Variants in BMX observed in about 807,000 individuals in gnomAD.
The protein encoded by BMX is cytoplasmic tyrosine-protein kinase BMX.
In BMX, 31 loss-of-function variants were observed where a neutral mutation model predicts 59.2. The ratio of observed to expected loss-of-function variants is 0.52; its 90% CI spans 0.39 to 0.71. BMX has a LOEUF of 0.71. BMX is among the 30% of genes least tolerant of loss of function. The pLI, the probability that BMX is intolerant of heterozygous loss-of-function variation, is 0.00. For missense variants in BMX, 474 were observed against 491.7 expected (o/e 0.96, Z 0.34); for synonymous variants, 185 against 181.0 (o/e 1.02, Z -0.18).
At chrX:15,522,817 T>C (rs977369358) in intron 7 of BMX, among the ~76,000 whole-genome samples, 2 of 112,250 alleles carry the variant, frequency 1.8e-5, no homozygotes, top group Non-Finnish European at 3.8e-5. Flanking sequence ...CTGATCATTG[T>C]ATTCCCTTCC....
At chrX:15,537,517 T>C (rs982619449) in intron 14 of BMX, among the ~76,000 whole-genome samples, 10 of 111,941 alleles carry the variant, frequency 8.9e-5, no homozygotes, top group African/African-American at 3.2e-4. Flanking sequence ...CATAACAACC[T>C]GAAAGGCCAT....
Position 15,536,391 on chromosome X carries a change from G to A in BMX, c.1186G>A (p.Ala396Thr), listed in dbSNP as rs1171195833. The A allele has an allele frequency of 4.1e-6, 5 of 1,206,394 alleles. No individual in the cohort carries two copies. The East Asian group carries it at 1.5e-4, about 36-fold the overall frequency. ...GCTCCGCCACCCTGTGTCAACAAAG[G>A]CCAACAAGGTCCCCGACTCTGTGTC... Reference protein sequence around the residue: ...TRLRHPVSTKANKVPDSVSLG... With the variant: ...TRLRHPVSTKTNKVPDSVSLG... The change falls in exon 13 of 19, where the codon GCC becomes ACC. Residue 396 changes from alanine to threonine, a missense_variant. Ala to Thr is a moderately conservative substitution (Grantham distance 58). Coordinates refer to ENST00000348343, the MANE Select transcript of BMX (RefSeq NM_203281.3).
chrX:15,540,244 T>C (rs1240177409), intron 14 of BMX, among the ~76,000 whole-genome samples: 1 of 111,735 alleles, frequency 8.9e-6, no homozygotes, highest in African/African-American at 3.3e-5. Flanking sequence ...TGGAATACTA[T>C]GCAGCCATAA....
Position 15,526,090 on chromosome X carries a change from T to C in BMX, c.879T>C (p.Asp293=). ...SSSEEEENLD[D]YDWFAGNISR... ...CTGAAGAAGAGGAAAACCTGGATGATTATGAGTGAGTATTGAAAGTCTTCT... is the reference window on the plus strand; with the variant it reads ...CTGAAGAAGAGGAAAACCTGGATGACTATGAGTGAGTATTGAAAGTCTTCT... Residue 293 remains aspartate (D), a synonymous_variant, in exon 9 of 19, where the codon GAT becomes GAC. Transcript: ENST00000348343. The C allele has an allele frequency of 8.3e-7, 1 of 1,205,725 alleles. No homozygotes were observed. The highest frequency in any genetic ancestry group is 1.1e-6 in the Non-Finnish European group (1 of 891,027).
At position 15,555,501 on chromosome X, in the gene BMX, G is replaced by A. The variant is rs1926391884; in HGVS notation, c.1954-572G>A. On this transcript the variant is annotated intron_variant, in intron 18 of 18. Coordinates refer to ENST00000348343, the MANE Select transcript of BMX (RefSeq NM_203281.3). ...TGGGATTACAGGCGTGAGCCACTGC[G>A]CCTGGCCAGGGATGCTTTTTTATAT... 4.5e-5 allele frequency among the ~76,000 whole-genome samples: 5 copies of A among 111,034 alleles called. No individual in the cohort carries two copies. The South Asian group carries it at 1.5e-3, about 34-fold the overall frequency.
At position 15,522,445 on chromosome X, in the gene BMX, T is replaced by C. The variant is rs1327634458; in HGVS notation, c.610T>C (p.Ser204Pro). The change falls in exon 7 of 19, where the codon TCC (serine) becomes CCC (proline). Residue 204 changes from serine (S) to proline (P), a missense_variant. By Grantham distance (74) the Ser-to-Pro change is moderately conservative (BLOSUM62 -1). Transcript: ENST00000348343. ...CAACGAATCAAAGAAAAACTATGGCTCCCAGCCACCATCTTCAAGTACCAG... is the reference window on the plus strand; with the variant it reads ...CAACGAATCAAAGAAAAACTATGGCCCCCAGCCACCATCTTCAAGTACCAG... Reference protein sequence around the residue: ...YDNESKKNYGSQPPSSSTSLA... With the variant: ...YDNESKKNYGPQPPSSSTSLA... 2.5e-6 allele frequency: 3 copies of C among 1,210,555 alleles called. No homozygotes were observed. The highest frequency in any genetic ancestry group is 1.8e-5 in the South Asian group (1 of 56,901).
chrX:15,502,590 T>G (rs1923606657), intron 1 of BMX, among the ~76,000 whole-genome samples: 1 of 111,970 alleles, frequency 8.9e-6, no homozygotes, highest in South Asian at 3.7e-4. Flanking sequence ...TGCTGAGAAT[T>G]TGACTGTCAA....
chrX:15,554,289 G>A (rs1250109436), intron 18 of BMX, among the ~76,000 whole-genome samples: 2 of 112,161 alleles, frequency 1.8e-5, no homozygotes, highest in Non-Finnish European at 3.8e-5. Flanking sequence ...AGCTTTTGAA[G>A]AATTCTTGCC....
chrX:15,543,016 G>A, intron 15 of BMX, 55 bp from the exon 16 acceptor site: 1 of 1,102,427 alleles, frequency 9.1e-7, no homozygotes, highest in Non-Finnish European at 1.2e-6. Flanking sequence ...GGAGGAAAAT[G>A]TCAGGAGATT....
At chrX:15,552,943 A>G (rs1926264089) in intron 18 of BMX, among the ~76,000 whole-genome samples, 1 of 112,517 alleles carries the variant, frequency 8.9e-6, no homozygotes, top group Non-Finnish European at 1.9e-5. Context: ...AAGTCTTGAT[A>G]GTAAATCTAA....
At chrX:15,553,548 C>T (rs1344237081) in intron 18 of BMX, among the ~76,000 whole-genome samples, 3 of 111,639 alleles carry the variant, frequency 2.7e-5, no homozygotes, top group Non-Finnish European at 5.6e-5. Context: ...TCTAGGGTAG[C>T]GAATCCTGTA....
At chrX:15,551,282 C>A (rs1926185467) in intron 18 of BMX, among the ~76,000 whole-genome samples, 2 of 111,445 alleles carry the variant, frequency 1.8e-5, no homozygotes, top group Non-Finnish European at 3.8e-5. Context: ...TAGTAAAAGG[C>A]AAATTGGTGT....
intron 1 of BMX, chrX:15,507,437 A>G: frequency 1.5e-6 from 1 of 664,723 alleles, no homozygotes; most frequent in Non-Finnish European, 1.8e-6. Flanking sequence ...ATTATCAATA[A>G]AGAAAGATTT....
rs187524138 is a variant in BMX, at chrX:15,517,631, C to A, written c.446-298C>A. On this transcript the variant is annotated intron_variant, in intron 5 of 18. Transcript: ENST00000348343. ...CAAGTATAATTTATTCCCTTGGCTTCTTCTGCTGAGCTACTGGGAAGTCCA... is the reference window on the plus strand; with the variant it reads ...CAAGTATAATTTATTCCCTTGGCTTATTCTGCTGAGCTACTGGGAAGTCCA... Among the ~76,000 whole-genome samples, 238 of 112,553 alleles carry A rather than the reference C, an allele frequency of 2.1e-3. 2 individuals carry two copies. The highest frequency in any genetic ancestry group is 7.5e-3 in the African/African-American group (232 of 31,038).
chrX:15,537,232 G>A lies in BMX; in HGVS notation c.1321G>A (p.Asp441Asn). The change falls in exon 14 of 19, where the codon GAT (aspartate) becomes AAT (asparagine). Residue 441 changes from aspartate to asparagine, a missense_variant. Coordinates refer to ENST00000348343, the MANE Select transcript of BMX (RefSeq NM_203281.3). ...VQLGKWKGQY[D>N]VAVKMIKEGS... ...GCTGGGCAAGTGGAAGGGGCAGTAT[G>A]ATGTTGCTGTTAAGATGATCAAGGA... 2.5e-6 allele frequency: 3 copies of A among 1,210,644 alleles called. No homozygotes were observed. Among genetic ancestry groups the A allele is most frequent in the Non-Finnish European group, 3.4e-6 (3 of 895,090 alleles).
intron 6 of BMX, among the ~76,000 whole-genome samples, chrX:15,520,003 C>A (rs1569222027): frequency 9.0e-6 from 1 of 111,462 alleles, no homozygotes; most frequent in Non-Finnish European, 1.9e-5. Flanking sequence ...TTGGAGGGGT[C>A]GAATATCCAA....
In BMX at chrX:15,515,992, T is replaced by C. The variant is rs962983608; in HGVS notation, c.326-120T>C. Reference sequence around the variant, plus strand: ...TATATCCTTCCGGAACCATTTGCTCTTACCTTGGTTGCTGGCCAAATGGGG... The same window carrying C: ...TATATCCTTCCGGAACCATTTGCTCCTACCTTGGTTGCTGGCCAAATGGGG... On this transcript the variant is annotated intron_variant, in intron 4 of 18. Transcript: ENST00000348343. The C allele has an allele frequency of 6.1e-6, 6 of 980,304 alleles. No individual in the cohort carries two copies. The African/African-American group carries it at 7.6e-5, about 12-fold the overall frequency. The allele number at this position is 980,304 out of a possible 1,213,427, so 80.8% of individuals were successfully genotyped here.
chrX:15,534,258 G>A lies in BMX; in HGVS notation c.1066G>A (p.Glu356Lys). Residue 356 changes from glutamate (E) to lysine (K), a missense_variant, in exon 12 of 19, where the codon GAG becomes AAG. Glu to Lys is a moderately conservative substitution (Grantham distance 56, BLOSUM62 1). Coordinates refer to ENST00000348343, the MANE Select transcript of BMX (RefSeq NM_203281.3). ...VKHYHVHTNA[E>K]NKLYLAENYC... The stretch of plus-strand genomic sequence containing the variant: ...ACATTACCACGTGCATACAAATGCT[G>A]AGAACAAATTATACCTGGCAGAAAA... 8.4e-7 allele frequency: 1 copy of A among 1,189,051 alleles called. No homozygotes were observed. The highest frequency in any genetic ancestry group is 1.1e-6 in the Non-Finnish European group (1 of 882,222).
chrX:15,547,463 T>A (rs1423267548), intron 17 of BMX, among the ~76,000 whole-genome samples: 1 of 112,366 alleles, frequency 8.9e-6, no homozygotes, highest in Non-Finnish European at 1.9e-5. Flanking sequence ...TTTCTTTGAC[T>A]CGTGCCTAGT....
Sources: gnomAD v4.1 joint callset for allele counts (sites outside exome capture counted in the v4.1 genomes callset) on GRCh38, gnomAD v4.1.1 for gene constraint, MANE v1.5 for transcripts, NCBI Gene and HGNC (gene_info 2026-07-23, HGNC 2026-07-21) for gene names.